The following WWC2 variants were observed in gnomAD, a reference collection of about 807,000 sequenced individuals.
WWC2 encodes the protein protein WWC2.
Under a neutral mutation model 138.5 loss-of-function variants are expected in WWC2, and 101 were observed. The observed-to-expected ratio is 0.73, with a 90% CI of 0.62 to 0.86. The LOEUF (loss-of-function observed/expected upper bound fraction) is 0.86. Ranked by LOEUF, WWC2 falls within the 40% of genes least tolerant of loss-of-function variation. WWC2 has a pLI of 0.00. For synonymous variants in WWC2, 558 were observed against 538.4 expected (o/e 1.04, Z -0.50); for missense variants, 1,420 against 1,419.4 (o/e 1.00, Z -0.01).
chr4:183,193,795 A>G (rs1735057545), intron 2 of WWC2, 87 bp downstream of exon 2: 1 of 1,167,956 alleles, frequency 8.6e-7, no homozygotes, highest in Admixed American at 2.1e-5. Context: ...AACATGTTAC[A>G]AAGTGAATTT....
chr4:183,107,168 C>A (rs1462615371), intron 1 of WWC2, among the ~76,000 whole-genome samples: 5 of 150,936 alleles, frequency 3.3e-5, no homozygotes, highest in African/African-American at 1.2e-4. Flanking sequence ...TCTTTTCTTT[C>A]TTCTTTTGAG....
intron 1 of WWC2, among the ~76,000 whole-genome samples, chr4:183,156,179 C>T (rs1733798832): frequency 6.6e-6 from 1 of 152,022 alleles, no homozygotes; most frequent in Admixed American, 6.6e-5. Flanking sequence ...GGTGCCGCTA[C>T]CACACCTGGC....
At chr4:183,247,075 A>T (rs958684349) in intron 6 of WWC2, among the ~76,000 whole-genome samples, 2 of 152,210 alleles carry the variant, frequency 1.3e-5, no homozygotes, top group African/African-American at 4.8e-5. Context: ...GAAACTTTAG[A>T]TATCTTCTGT....
intron 4 of WWC2, among the ~76,000 whole-genome samples, chr4:183,232,672 G>A (rs923963621): frequency 6.6e-6 from 1 of 151,590 alleles, no homozygotes; most frequent in African/African-American, 2.4e-5. Context: ...TTTTGAGACA[G>A]AGTTTCTCTC....
chr4:183,121,785 C>CTTTT (rs528295307), intron 1 of WWC2, among the ~76,000 whole-genome samples: 10 of 124,214 alleles, frequency 8.1e-5, no homozygotes, highest in Admixed American at 1.6e-4. Context: ...TGTTAAGAAG[C>CTTTT]TTTTTTTTTT....
Position 183,317,303 on chromosome 4 carries a change from A to G in WWC2, c.*1574A>G, listed in dbSNP as rs969661709. On this transcript the variant is annotated 3_prime_UTR_variant, in exon 23 of 23. Transcript: ENST00000403733. ...TTGGAATTGAAGTTCAAATTAAGCA[A>G]CTTCTGAGCCTAGAACTTTAATTAC... 3 of 152,254 alleles carry G rather than the reference A, an allele frequency of 2.0e-5. No homozygotes were observed. Among genetic ancestry groups the G allele is most frequent in the East Asian group, 3.8e-4 (2 of 5,200 alleles). The allele number at this position is 152,254 out of a possible 1,614,324, so 9.4% of individuals were successfully genotyped here.
At chr4:183,305,846 C>T (rs1396895971) in intron 21 of WWC2, among the ~76,000 whole-genome samples, 1 of 152,040 alleles carries the variant, frequency 6.6e-6, no homozygotes, top group Non-Finnish European at 1.5e-5. Flanking sequence ...AAGGAATAAA[C>T]CAAGGTAAAA....
intron 4 of WWC2, among the ~76,000 whole-genome samples, chr4:183,235,655 T>C (rs2111298927): frequency 6.6e-6 from 1 of 152,308 alleles, no homozygotes; most frequent in Admixed American, 6.5e-5. Context: ...TTGTCACATA[T>C]TGCAGCCTTT....
At chr4:183,315,082 G>A (rs1739393213) in intron 22 of WWC2, among the ~76,000 whole-genome samples, 1 of 152,206 alleles carries the variant, frequency 6.6e-6, no homozygotes, top group Admixed American at 6.5e-5. Flanking sequence ...TAGACGCACT[G>A]TTTGTCTTTT....
chr4:183,235,267 A>C (rs1255908596), intron 4 of WWC2, among the ~76,000 whole-genome samples: 3 of 152,196 alleles, frequency 2.0e-5, no homozygotes, highest in African/African-American at 2.4e-5. Context: ...CCAACATAGA[A>C]TAAAATTTCA....
intron 1 of WWC2, among the ~76,000 whole-genome samples, chr4:183,167,053 C>G (rs1260138736): frequency 1.3e-5 from 2 of 152,118 alleles, no homozygotes; most frequent in Non-Finnish European, 2.9e-5. Flanking sequence ...TCATTTGCAC[C>G]ATGGAAATTT....
chr4:183,119,547 A>G (rs533157299), intron 1 of WWC2, among the ~76,000 whole-genome samples: 1 of 152,314 alleles, frequency 6.6e-6, no homozygotes, highest in Admixed American at 6.5e-5. Context: ...GACGGGGTAT[A>G]AAGCCCCTCC....
chr4:183,207,927 A>G (rs1361161193), intron 2 of WWC2, 26 bp from the exon 3 acceptor site: 2 of 1,570,116 alleles, frequency 1.3e-6, no homozygotes, highest in African/African-American at 2.7e-5. Flanking sequence ...AAATTCTAAA[A>G]AGTACCCTCC....
intron 1 of WWC2, among the ~76,000 whole-genome samples, chr4:183,155,189 G>GGGGA (rs1554067851): frequency 8.7e-5 from 9 of 103,662 alleles, no homozygotes; most frequent in African/African-American, 3.1e-4. Flanking sequence ...CATCTTCTGA[G>GGGGA]GAGAGAGAGA....
At chr4:183,175,119 T>C (rs922248152) in intron 1 of WWC2, among the ~76,000 whole-genome samples, 1 of 152,160 alleles carries the variant, frequency 6.6e-6, no homozygotes, top group Non-Finnish European at 1.5e-5. Context: ...GGAACAAAAA[T>C]ATTCTCTTAC....
intron 1 of WWC2, among the ~76,000 whole-genome samples, chr4:183,153,064 T>C (rs1217197863): frequency 1.2e-4 from 18 of 151,882 alleles, no homozygotes; most frequent in African/African-American, 4.1e-4. Context: ...CCCAGCTAAT[T>C]AAAAAAATAT....
Position 183,253,840 on chromosome 4 carries a change from T to C in WWC2, c.1037T>C (p.Met346Thr), listed in dbSNP as rs1218258019. The C allele has an allele frequency of 1.2e-6, 2 of 1,613,486 alleles. No individual in the cohort carries two copies. The highest frequency in any genetic ancestry group is 2.2e-5 in the East Asian group (1 of 44,874). ...GALDIEKEKL[M>T]LINEKEELLK... ...CTGGATATTGAGAAGGAAAAACTGA[T>C]GCTGATTAATGAAAAAGAAGAACTT... Residue 346 changes from methionine to threonine, a missense_variant, in exon 9 of 23, where the codon ATG (methionine) becomes ACG (threonine). Coordinates refer to ENST00000403733, the MANE Select transcript of WWC2 (RefSeq NM_024949.6).
chr4:183,217,315 A>G (rs946278747), intron 4 of WWC2, among the ~76,000 whole-genome samples: 5 of 152,176 alleles, frequency 3.3e-5, no homozygotes, highest in Admixed American at 6.5e-5. Flanking sequence ...AGTGTTGGGT[A>G]TATTCTAAAA....
intron 1 of WWC2, among the ~76,000 whole-genome samples, chr4:183,192,378 A>G (rs1405869757): frequency 6.6e-6 from 1 of 152,144 alleles, no homozygotes; most frequent in Non-Finnish European, 1.5e-5. Context: ...GGTTACCCTC[A>G]TTATTGCTTC....
Sources: gnomAD v4.1 joint callset for allele counts (sites outside exome capture counted in the v4.1 genomes callset) on GRCh38, gnomAD v4.1.1 for gene constraint, MANE v1.5 for transcripts, NCBI Gene and HGNC (gene_info 2026-07-23, HGNC 2026-07-21) for gene names.